The following HSD17B6 variants were observed in gnomAD, a reference collection of about 807,000 sequenced individuals.
HSD17B6 encodes the protein hydroxysteroid 17-beta dehydrogenase 6, also known as 17-beta-hydroxysteroid dehydrogenase type 6.
In HSD17B6, 16 loss-of-function variants were observed where a neutral mutation model predicts 26.4. The ratio of observed to expected loss-of-function variants is 0.61; its 90% CI spans 0.41 to 0.92. The LOEUF (loss-of-function observed/expected upper bound fraction) is 0.92, where lower values mean the gene tolerates loss of function less well. HSD17B6 is among the 40% of genes least tolerant of loss of function. The pLI is 0.00. For synonymous variants in HSD17B6, 139 were observed against 153.0 expected (o/e 0.91, Z 0.68); for missense variants, 357 against 386.1 (o/e 0.92, Z 0.63).
At chr12:56,769,032 G>A (rs1395134889) in intron 1 of HSD17B6, among the ~76,000 whole-genome samples, 2 of 150,712 alleles carry the variant, frequency 1.3e-5, no homozygotes, top group Admixed American at 6.6e-5. Context: ...AAGTAGAGGG[G>A]AGTGGGGGGA....
At chr12:56,767,909 C>T (rs368239668) in intron 1 of HSD17B6, among the ~76,000 whole-genome samples, 34 of 149,852 alleles carry the variant, frequency 2.3e-4, no homozygotes, top group East Asian at 1.8e-3. Context: ...AATGTATACA[C>T]ACACGTATAC....
At chr12:56,781,780 C>T (rs375418767) in intron 2 of HSD17B6, among the ~76,000 whole-genome samples, 194 bp from the exon 3 acceptor site, 1 of 151,970 alleles carries the variant, frequency 6.6e-6, no homozygotes, top group African/African-American at 2.4e-5. Flanking sequence ...TCCAGCCTGG[C>T]GATAGGGCGA....
rs1954900149 is a variant in HSD17B6, at chr12:56,787,283, ACAT to A, written c.898_900del (p.Ser300del). 9 of 1,614,028 alleles carry A rather than the reference ACAT, an allele frequency of 5.6e-6. No homozygotes were observed. The South Asian group carries it at 8.8e-5, about 16-fold the overall frequency. On this transcript the variant is annotated inframe_deletion, in exon 5 of 5. Transcript: ENST00000322165. ...CTTCATCCCTCTATCTTATTTACCT[ACAT>A]CACTGGCAGACTACATTTTGACTAG...
At chr12:56,779,087 ATT>A (rs35988358) in intron 2 of HSD17B6, among the ~76,000 whole-genome samples, 12 of 149,822 alleles carry the variant, frequency 8.0e-5, no homozygotes, top group African/African-American at 2.7e-4. Context: ...CAATCTGACA[ATT>A]TTTTTTTTTA....
chr12:56,778,798 A>C (rs1202842291), intron 2 of HSD17B6, among the ~76,000 whole-genome samples: 2 of 149,800 alleles, frequency 1.3e-5, no homozygotes, highest in Admixed American at 1.3e-4. Flanking sequence ...CCTCAGCCTT[A>C]CAAGTAGCTG....
chr12:56,781,822 C>T (rs1954720167), intron 2 of HSD17B6, 152 bp from the exon 3 acceptor site: 10 of 790,574 alleles, frequency 1.3e-5, no homozygotes, highest in Middle Eastern at 3.2e-4. Context: ...TTATATTTAG[C>T]AAACTTGTAT....
intron 2 of HSD17B6, among the ~76,000 whole-genome samples, chr12:56,779,868 G>A (rs186748085): frequency 7.1e-6 from 1 of 141,262 alleles, no homozygotes; most frequent in African/African-American, 2.7e-5. Context: ...CTTCGTTACC[G>A]AATATATGCC....
At chr12:56,767,491 C>T (rs1368208264) in intron 1 of HSD17B6, among the ~76,000 whole-genome samples, 1 of 148,804 alleles carries the variant, frequency 6.7e-6, no homozygotes, top group Admixed American at 6.7e-5. Flanking sequence ...CACTCCAGCC[C>T]GGGGACAGAG....
chr12:56,774,035 G>C lies in HSD17B6; in HGVS notation c.183G>C (p.Leu61=). ...GCTTGAGAGTGCTGGCTGCGTGTCT[G>C]ACGGAGAAGGGGGCCGAGCAGCTGA... is the stretch of plus-strand genomic sequence containing the variant. ...ARGLRVLAAC[L]TEKGAEQLRG... is the part of the protein sequence containing the mutation. The change falls in exon 2 of 5, where the codon CTG becomes CTC. Residue 61 remains leucine, a synonymous_variant. Transcript: ENST00000322165. 5.0e-6 allele frequency: 8 copies of C among 1,614,182 alleles called. No homozygotes were observed. The highest frequency in any genetic ancestry group is 6.8e-6 in the Non-Finnish European group (8 of 1,180,018).
At chr12:56,786,146 T>C (rs1954868684) in intron 4 of HSD17B6, 1 of 166,872 alleles carries the variant, frequency 6.0e-6, no homozygotes, top group African/African-American at 2.4e-5. Flanking sequence ...TATATGAATA[T>C]CTCAATAATG....
chr12:56,779,258 C>A (rs1007386733), intron 2 of HSD17B6, among the ~76,000 whole-genome samples: 3 of 152,124 alleles, frequency 2.0e-5, no homozygotes, highest in African/African-American at 7.2e-5. Flanking sequence ...CCTCAGCCTC[C>A]TGAGTATCTA....
intron 4 of HSD17B6, among the ~76,000 whole-genome samples, chr12:56,785,548 A>G (rs1479581400): frequency 6.6e-6 from 1 of 152,232 alleles, no homozygotes; most frequent in Non-Finnish European, 1.5e-5. Context: ...GCTTGGTCTG[A>G]TGACTATCAT....
At chr12:56,767,955 ATG>A (rs913690377) in intron 1 of HSD17B6, among the ~76,000 whole-genome samples, 99 of 148,084 alleles carry the variant, frequency 6.7e-4, no homozygotes, top group African/African-American at 1.6e-3. Context: ...GTGTGAAACC[ATG>A]TGTGTGTGTG....
chr12:56,775,864 C>G (rs11171968), intron 2 of HSD17B6, among the ~76,000 whole-genome samples: 1 of 152,196 alleles, frequency 6.6e-6, no homozygotes, highest in Non-Finnish European at 1.5e-5. Flanking sequence ...TCCCCACATT[C>G]CTGGCAACCA....
In HSD17B6 at chr12:56,787,257, T is replaced by G. The variant is rs776260654; in HGVS notation, c.869T>G (p.Phe290Cys). The G allele has an allele frequency of 1.9e-6, 3 of 1,614,042 alleles. No individual in the cohort carries two copies. The African/African-American group carries it at 4.0e-5, about 22-fold the overall frequency. The change falls in exon 5 of 5, where the codon TTC (phenylalanine) becomes TGC (cysteine). Residue 290 changes from phenylalanine to cysteine, a missense_variant. Physicochemically the swap from Phe to Cys is radical, Grantham distance 205. Coordinates refer to ENST00000322165, the MANE Select transcript of HSD17B6 (RefSeq NM_003725.4). ...RYSAGWDAKF[F>C]FIPLSYLPTS... ...TCAGCTGGCTGGGATGCTAAATTTT[T>G]CTTCATCCCTCTATCTTATTTACCT...
chr12:56,777,703 G>GAA (rs1463268096), intron 2 of HSD17B6, among the ~76,000 whole-genome samples: 3 of 151,694 alleles, frequency 2.0e-5, no homozygotes, highest in Non-Finnish European at 4.4e-5. Flanking sequence ...CTTTAAACTT[G>GAA]AAAATTTACT....
chr12:56,776,221 C>T (rs544746113), intron 2 of HSD17B6, among the ~76,000 whole-genome samples: 10 of 151,960 alleles, frequency 6.6e-5, no homozygotes, highest in Non-Finnish European at 8.8e-5. Context: ...CCATCGCGCC[C>T]GGCTGGAATA....
chr12:56,774,475 C>T (rs527622564), intron 2 of HSD17B6, among the ~76,000 whole-genome samples: 9 of 152,138 alleles, frequency 5.9e-5, no homozygotes, highest in African/African-American at 2.2e-4. Flanking sequence ...CACCAGGGAC[C>T]GGTTTTGTGG....
chr12:56,778,504 T>G (rs1300223332), intron 2 of HSD17B6, among the ~76,000 whole-genome samples: 2 of 151,994 alleles, frequency 1.3e-5, no homozygotes, highest in African/African-American at 4.8e-5. Flanking sequence ...GCCAGGCTGG[T>G]GACCTCAGGT....
Sources: allele counts gnomAD v4.1 joint callset (sites outside exome capture counted in the v4.1 genomes callset), GRCh38; gene constraint gnomAD v4.1.1; transcripts MANE v1.5; gene names NCBI Gene and HGNC (gene_info 2026-07-23, HGNC 2026-07-21).